The following GRIK4 variants were observed in gnomAD, a reference collection of about 807,000 sequenced individuals.
GRIK4 encodes the protein glutamate receptor ionotropic, kainate 4.
Under a neutral mutation model 104.9 loss-of-function variants are expected in GRIK4, and 40 were observed. The ratio of observed to expected loss-of-function variants is 0.38; its 90% confidence interval spans 0.30 to 0.50. GRIK4 has a LOEUF of 0.50. Among genes scored for constraint, GRIK4 ranks in the 20% least tolerant of loss-of-function variants. The pLI is 0.93. For missense variants in GRIK4, 1,047 were observed against 1,308.1 expected, an observed-to-expected ratio of 0.80 and a Z score of 3.08; for synonymous variants, 485 against 524.9, an observed-to-expected ratio of 0.92 and a Z score of 1.04.
chr11:120,612,167 C>T (rs1270620175), intron 1 of GRIK4, among the ~76,000 whole-genome samples: 7 of 152,148 alleles, frequency 4.6e-5, no homozygotes, highest in Admixed American at 2.6e-4. Flanking sequence ...ATCTCCTTTG[C>T]GATACACCTC....
At chr11:120,782,440 C>T (rs1239517208) in intron 3 of GRIK4, among the ~76,000 whole-genome samples, 1 of 152,174 alleles carries the variant, frequency 6.6e-6, no homozygotes, top group African/African-American at 2.4e-5. Flanking sequence ...CGCCCACCAC[C>T]ATACCTGACT....
intron 8 of GRIK4, among the ~76,000 whole-genome samples, chr11:120,852,946 G>T (rs80151257): frequency 6.6e-6 from 1 of 152,202 alleles, no homozygotes; most frequent in South Asian, 2.1e-4. Flanking sequence ...TGCCAATGGG[G>T]TGAGATGAGG....
At chr11:120,669,966 G>A (rs1362736948) in intron 3 of GRIK4, among the ~76,000 whole-genome samples, 1 of 152,190 alleles carries the variant, frequency 6.6e-6, no homozygotes, top group Non-Finnish European at 1.5e-5. Context: ...GTCCAAAATC[G>A]AGTTATTGAT....
chr11:120,663,874 C>T (rs1167004060), intron 3 of GRIK4, among the ~76,000 whole-genome samples: 1 of 152,196 alleles, frequency 6.6e-6, no homozygotes, highest in African/African-American at 2.4e-5. Context: ...AAGTCCTTTC[C>T]CGTTATCATC....
intron 13 of GRIK4, among the ~76,000 whole-genome samples, chr11:120,907,043 A>C (rs984580375): frequency 6.6e-6 from 1 of 152,240 alleles, no homozygotes; most frequent in African/African-American, 2.4e-5. Context: ...CTTGAGCCTC[A>C]GTTTTCGAGA....
chr11:120,874,497 G>T (rs1056001260), intron 10 of GRIK4, among the ~76,000 whole-genome samples: 3 of 152,188 alleles, frequency 2.0e-5, no homozygotes, highest in African/African-American at 7.2e-5. Flanking sequence ...TCCAGACTTA[G>T]CACCTGGCCT....
rs1944019334 is a variant in GRIK4, at chr11:120,952,270, C to T, written c.1591-585C>T. ...GCTCTTCCATTTACGCACTGTGGAA[C>T]CTCGGGCACATCTCTGACTGCCCTC... On this transcript the variant is annotated intron_variant, in intron 14 of 20. Transcript: ENST00000527524. This position sits in a 1 kb window ranked among gnomAD's most constrained non-coding sequence, Gnocchi z 5.2. Among the ~76,000 whole-genome samples, 1 of 152,150 alleles carries T rather than the reference C, an allele frequency of 6.6e-6. No individual in the cohort carries two copies. The highest frequency in any genetic ancestry group is 6.5e-5 in the Admixed American group (1 of 15,274).
intron 14 of GRIK4, among the ~76,000 whole-genome samples, chr11:120,943,031 C>A (rs1943760990): frequency 6.6e-6 from 1 of 151,730 alleles, no homozygotes; most frequent in Admixed American, 6.6e-5. Context: ...GACTTATTAG[C>A]CCCCACAATC....
intron 9 of GRIK4, among the ~76,000 whole-genome samples, chr11:120,864,334 G>A (rs903170324): frequency 6.6e-6 from 1 of 151,692 alleles, no homozygotes; most frequent in Non-Finnish European, 1.5e-5. Flanking sequence ...TCCACCTCCC[G>A]GGTTCACGCC....
At chr11:120,585,374 G>A (rs1398526861) in intron 1 of GRIK4, among the ~76,000 whole-genome samples, 1 of 147,082 alleles carries the variant, frequency 6.8e-6, no homozygotes, top group African/African-American at 2.5e-5. Context: ...TTGTGAGACA[G>A]AGTCTCACTC....
chr11:120,686,141 C>T (rs933380443), intron 3 of GRIK4, among the ~76,000 whole-genome samples: 1 of 151,806 alleles, frequency 6.6e-6, no homozygotes, highest in African/African-American at 2.4e-5. Context: ...ACATCGTAAG[C>T]GCATAATAAA....
chr11:120,586,909 G>A (rs1948673207), intron 1 of GRIK4, among the ~76,000 whole-genome samples: 1 of 152,202 alleles, frequency 6.6e-6, no homozygotes, highest in Non-Finnish European at 1.5e-5. Context: ...TGGCCTTCAG[G>A]GAACTGGTGT....
intron 8 of GRIK4, chr11:120,858,217 C>T (rs1954169746): frequency 6.6e-6 from 1 of 152,140 alleles, no homozygotes; most frequent in African/African-American, 2.4e-5. Context: ...TAATGGGAGC[C>T]TAAGTGAGCC....
At chr11:120,514,747 CA>C (rs1947704498) in intron 1 of GRIK4, among the ~76,000 whole-genome samples, 1 of 152,182 alleles carries the variant, frequency 6.6e-6, no homozygotes, top group African/African-American at 2.4e-5. Context: ...TGGGTTCCCC[CA>C]GGCATGCAGC....
intron 8 of GRIK4, among the ~76,000 whole-genome samples, chr11:120,860,823 T>C (rs956908515): frequency 5.3e-5 from 8 of 152,188 alleles, no homozygotes; most frequent in Admixed American, 2.6e-4. Context: ...GGTTTTGGCA[T>C]TCCTCCACTG....
In GRIK4 at chr11:120,903,517, C is replaced by G. The variant is rs959403834; in HGVS notation, c.1273-1773C>G. 1.3e-5 allele frequency among the ~76,000 whole-genome samples: 2 copies of G among 152,122 alleles called. No individual in the cohort carries two copies. Among genetic ancestry groups the G allele is most frequent in the Admixed American group, 6.5e-5 (1 of 15,268 alleles). ...CACCAGCTAGCATGGTTCTTTCCTC[C>G]TCTTTTCTCCCCTTTTCCAGGGATT... On this transcript the variant is annotated intron_variant, in intron 12 of 20. Transcript: ENST00000527524. The surrounding 1 kb of genome is among the most constrained non-coding windows in gnomAD (Gnocchi z 4.4).
intron 1 of GRIK4, among the ~76,000 whole-genome samples, chr11:120,638,120 T>C (rs117280793): frequency 0.03 from 4,502 of 152,232 alleles, 111 homozygotes; most frequent in South Asian, 0.072. Flanking sequence ...CCTCAGGTGT[T>C]CAGCCTGTGT....
At chr11:120,547,979 G>A (rs1181791820) in intron 1 of GRIK4, among the ~76,000 whole-genome samples, 1 of 152,186 alleles carries the variant, frequency 6.6e-6, no homozygotes, top group Non-Finnish European at 1.5e-5. Flanking sequence ...TGACTCAGAG[G>A]GTGGCTGTGG....
At chr11:120,566,766 C>A (rs1044012756) in intron 1 of GRIK4, among the ~76,000 whole-genome samples, 1 of 146,688 alleles carries the variant, frequency 6.8e-6, no homozygotes, top group Admixed American at 7.0e-5. Flanking sequence ...TGCAGTGGTG[C>A]GATCTTGGCT....
Sources: allele counts gnomAD v4.1 joint callset (sites outside exome capture counted in the v4.1 genomes callset), GRCh38; gene constraint gnomAD v4.1.1; non-coding constraint Gnocchi (gnomAD v3.1); transcripts MANE v1.5; gene names NCBI Gene and HGNC (gene_info 2026-07-23, HGNC 2026-07-21).